GPR158: variants seen among roughly 807,000 people sequenced by gnomAD.
GPR158 encodes metabotropic glycine receptor.
In GPR158, 30 loss-of-function variants were observed where a neutral mutation model predicts 78.2. The observed-to-expected ratio is 0.38, with a 90% CI of 0.29 to 0.52. The LOEUF is 0.52. GPR158 is among the 20% of genes least tolerant of loss of function. GPR158 has a pLI of 0.83. For missense variants in GPR158, 1,463 were observed against 1,523.5 expected (o/e 0.96, Z 0.66); for synonymous variants, 581 against 591.1 (o/e 0.98, Z 0.25).
intron 2 of GPR158, among the ~76,000 whole-genome samples, chr10:25,287,977 T>A (rs1424066365): frequency 6.6e-6 from 1 of 152,168 alleles, no homozygotes; most frequent in Non-Finnish European, 1.5e-5. Flanking sequence ...GGGTTTGAAT[T>A]AGCTCATGTG....
At position 25,599,068 on chromosome 10, in the gene GPR158, G is replaced by C; in HGVS notation, c.3442G>C (p.Glu1148Gln). The C allele has an allele frequency of 6.2e-7, 1 of 1,613,780 alleles. No individual in the cohort carries two copies. ...GHQEKKTSSSEENVRGSYNSS... is the reference protein window; with the variant it reads ...GHQEKKTSSSQENVRGSYNSS... ...CCAGGAAAAAAAGACATCTTCTTCTGAGGAGAATGTGCGTGGCTCCTATAA... is the reference window on the plus strand; with the variant it reads ...CCAGGAAAAAAAGACATCTTCTTCTCAGGAGAATGTGCGTGGCTCCTATAA... The change falls in exon 11 of 11, where the codon GAG (glutamate) becomes CAG (glutamine). Residue 1148 changes from glutamate (E) to glutamine (Q), a missense_variant. Physicochemically the swap from Glu to Gln is conservative, Grantham distance 29 (BLOSUM62 2). Transcript: ENST00000376351.
intron 5 of GPR158, among the ~76,000 whole-genome samples, chr10:25,531,720 A>G (rs1161749007): frequency 6.6e-6 from 1 of 152,228 alleles, no homozygotes; most frequent in African/African-American, 2.4e-5. Context: ...AAGGTTTTGC[A>G]TCAATCTTTA....
chr10:25,590,898 G>A (rs1327606881), intron 8 of GPR158, among the ~76,000 whole-genome samples: 1 of 152,008 alleles, frequency 6.6e-6, no homozygotes, highest in Non-Finnish European at 1.5e-5. Flanking sequence ...ATTCCTTAAA[G>A]TTTACTCTGT....
In GPR158 at chr10:25,256,362, G is replaced by C. The variant is rs573002632; in HGVS notation, c.1008+35205G>C. On this transcript the variant is annotated intron_variant, in intron 2 of 10. Transcript: ENST00000376351. ...TGGTAGAAACTGATCTTTAAAAATAGTGTGCTTGGCTGGGTGCAGTGGCTA... is the reference window on the plus strand; with the variant it reads ...TGGTAGAAACTGATCTTTAAAAATACTGTGCTTGGCTGGGTGCAGTGGCTA... Among the ~76,000 whole-genome samples the C allele has an allele frequency of 2.0e-5, 3 of 152,258 alleles. No individual in the cohort carries two copies. In the East Asian group the frequency reaches 5.8e-4, roughly 29 times the overall value.
At chr10:25,594,588 T>TTAAAA (rs1837378225) in intron 9 of GPR158, among the ~76,000 whole-genome samples, 191 bp downstream of exon 9, 1 of 152,170 alleles carries the variant, frequency 6.6e-6, no homozygotes, top group African/African-American at 2.4e-5. Flanking sequence ...TAAATGCCTT[T>TTAAAA]GTTTGTACAA....
chr10:25,211,153 A>C (rs1005766697), intron 1 of GPR158, among the ~76,000 whole-genome samples: 23 of 151,000 alleles, frequency 1.5e-4, no homozygotes, highest in Non-Finnish European at 2.7e-4. Flanking sequence ...AAAAAAAAAA[A>C]CAGAATTTTA....
At chr10:25,446,299 CTG>C (rs1418835264) in intron 4 of GPR158, among the ~76,000 whole-genome samples, 2 of 152,126 alleles carry the variant, frequency 1.3e-5, no homozygotes, top group African/African-American at 2.4e-5. Context: ...TTACAGCTCT[CTG>C]TGAGTCAGGA....
chr10:25,551,962 A>G (rs573992514), intron 6 of GPR158, among the ~76,000 whole-genome samples: 20 of 152,256 alleles, frequency 1.3e-4, no homozygotes, highest in South Asian at 8.3e-4. Context: ...ATCTCCTAAT[A>G]TGGGTCATGC....
At position 25,205,869 on chromosome 10, in the gene GPR158, G is replaced by A. The variant is rs180736761; in HGVS notation, c.903-15183G>A. 5.3e-5 allele frequency among the ~76,000 whole-genome samples: 8 copies of A among 151,912 alleles called. No individual in the cohort carries two copies. In the East Asian group the frequency reaches 1.5e-3, roughly 29 times the overall value. Reference sequence around the variant, plus strand: ...ATGGCTGATTCTTTAGATGATTTTAGATTATGTGCCTTGTGCATATGAGAA... The same window carrying A: ...ATGGCTGATTCTTTAGATGATTTTAAATTATGTGCCTTGTGCATATGAGAA... On this transcript the variant is annotated intron_variant, in intron 1 of 10. Coordinates refer to ENST00000376351, the MANE Select transcript of GPR158 (RefSeq NM_020752.3).
chr10:25,314,905 T>TACACACACACAC (rs34451547), intron 2 of GPR158, among the ~76,000 whole-genome samples: 1 of 137,386 alleles, frequency 7.3e-6, no homozygotes, highest in African/African-American at 2.8e-5. Context: ...AGTTTACACA[T>TACACACACACAC]ACACACACAC....
At chr10:25,310,783 A>G (rs996080931) in intron 2 of GPR158, among the ~76,000 whole-genome samples, 1 of 151,950 alleles carries the variant, frequency 6.6e-6, no homozygotes, top group Non-Finnish European at 1.5e-5. Context: ...TCATAGTTAG[A>G]GATCTTTTTC....
intron 1 of GPR158, among the ~76,000 whole-genome samples, chr10:25,190,852 C>T (rs1852762793): frequency 6.6e-6 from 1 of 152,154 alleles, no homozygotes; most frequent in Admixed American, 6.5e-5. Context: ...AAACATGAAA[C>T]ATACACAACC....
intron 6 of GPR158, among the ~76,000 whole-genome samples, chr10:25,567,645 T>C (rs1172600400): frequency 6.6e-6 from 1 of 152,180 alleles, no homozygotes; most frequent in African/African-American, 2.4e-5. Context: ...GATAACTGCA[T>C]GTCATCCAGA....
chr10:25,294,637 G>C (rs1854486080), intron 2 of GPR158, among the ~76,000 whole-genome samples: 1 of 152,162 alleles, frequency 6.6e-6, no homozygotes, highest in African/African-American at 2.4e-5. Context: ...AAAAAAAATG[G>C]CAACCTCTAT....
intron 7 of GPR158, among the ~76,000 whole-genome samples, chr10:25,576,458 A>G (rs375198900): frequency 7.2e-5 from 11 of 152,212 alleles, no homozygotes; most frequent in African/African-American, 2.2e-4. Flanking sequence ...AAACTTACTT[A>G]CCAGGCAGCA....
intron 5 of GPR158, among the ~76,000 whole-genome samples, chr10:25,512,349 A>G (rs1222267212): frequency 6.6e-6 from 1 of 152,148 alleles, no homozygotes; most frequent in Non-Finnish European, 1.5e-5. Flanking sequence ...CTGTTGGAAT[A>G]TAGCAGAGCC....
At chr10:25,254,533 G>C (rs1365299412) in intron 2 of GPR158, among the ~76,000 whole-genome samples, 1 of 151,952 alleles carries the variant, frequency 6.6e-6, no homozygotes, top group Non-Finnish European at 1.5e-5. Flanking sequence ...ATTCTAAAAG[G>C]CTCATAAATA....
chr10:25,541,426 A>G (rs1836582452), intron 5 of GPR158, among the ~76,000 whole-genome samples: 1 of 151,512 alleles, frequency 6.6e-6, no homozygotes, highest in African/African-American at 2.4e-5. Flanking sequence ...TTGATCTTTT[A>G]CTTTTTGTGT....
intron 9 of GPR158, among the ~76,000 whole-genome samples, chr10:25,596,045 T>C (rs895637936): frequency 6.6e-6 from 1 of 151,982 alleles, no homozygotes; most frequent in African/African-American, 2.4e-5. Flanking sequence ...ACAAGATAAA[T>C]AAATAAGGTA....
Sources: allele counts gnomAD v4.1 joint callset (sites outside exome capture counted in the v4.1 genomes callset), GRCh38; gene constraint gnomAD v4.1.1; transcripts MANE v1.5; gene names NCBI Gene and HGNC (gene_info 2026-07-23, HGNC 2026-07-21).